DNAJC5B: variants seen among roughly 807,000 people sequenced by gnomAD.
DNAJC5B encodes the protein DnaJ heat shock protein family (Hsp40) member C5 beta.
A neutral mutation model predicts 24.7 loss-of-function variants in DNAJC5B; 23 were observed. The ratio of observed to expected loss-of-function variants is 0.93; its 90% CI spans 0.67 to 1.32. The LOEUF (loss-of-function observed/expected upper bound fraction) is 1.32, where lower values mean the gene tolerates loss of function less well. Among genes scored for constraint, DNAJC5B ranks in the 40% most tolerant of loss-of-function variants. DNAJC5B has a pLI of 0.00. For missense variants in DNAJC5B, 238 were observed against 240.8 expected (o/e 0.99, Z 0.08); for synonymous variants, 101 against 90.1 (o/e 1.12, Z -0.68).
intron 1 of DNAJC5B, among the ~76,000 whole-genome samples, chr8:66,043,093 T>C (rs1339214184): frequency 6.6e-6 from 1 of 152,220 alleles, no homozygotes; most frequent in East Asian, 1.9e-4. Context: ...CAGTCAGTAC[T>C]GTGACTCAAT....
chr8:66,027,735 T>C (rs1028995416), intron 1 of DNAJC5B, among the ~76,000 whole-genome samples: 3 of 152,206 alleles, frequency 2.0e-5, no homozygotes, highest in African/African-American at 7.2e-5. Flanking sequence ...TATGTTCCTC[T>C]GCATGGTAGG....
chr8:66,046,479 G>C (rs993035785), intron 2 of DNAJC5B, among the ~76,000 whole-genome samples: 1 of 152,140 alleles, frequency 6.6e-6, no homozygotes, highest in African/African-American at 2.4e-5. Context: ...ACTAGTTGGG[G>C]GAAATTGTAA....
intron 1 of DNAJC5B, among the ~76,000 whole-genome samples, chr8:66,033,192 C>T (rs142199915): frequency 6.6e-5 from 10 of 152,338 alleles, no homozygotes; most frequent in Admixed American, 2.0e-4. Context: ...CAGGAAGGCA[C>T]GCAGGCTGGC....
chr8:66,077,932 T>C (rs1037354425), intron 4 of DNAJC5B, among the ~76,000 whole-genome samples: 1 of 152,244 alleles, frequency 6.6e-6, no homozygotes, highest in African/African-American at 2.4e-5. Flanking sequence ...AAGTTCCTGT[T>C]GAGCAGATTT....
At chr8:66,086,208 G>A (rs1586114118) in intron 5 of DNAJC5B, among the ~76,000 whole-genome samples, 1 of 152,054 alleles carries the variant, frequency 6.6e-6, no homozygotes, top group Non-Finnish European at 1.5e-5. Flanking sequence ...GATTTTCTAT[G>A]CAGACAATTA....
intron 3 of DNAJC5B, among the ~76,000 whole-genome samples, chr8:66,068,732 T>C (rs1807278589): frequency 1.3e-5 from 2 of 152,066 alleles, no homozygotes; most frequent in South Asian, 4.1e-4. Flanking sequence ...AAACCACATA[T>C]ACTCAATAAA....
intron 3 of DNAJC5B, among the ~76,000 whole-genome samples, chr8:66,058,383 A>T (rs1229390134): frequency 6.6e-6 from 1 of 152,172 alleles, no homozygotes; most frequent in Non-Finnish European, 1.5e-5. Flanking sequence ...TTGGTTCCTG[A>T]TCCCTTTTCC....
chr8:66,069,397 A>G (rs1040646818), intron 3 of DNAJC5B, among the ~76,000 whole-genome samples: 5 of 152,188 alleles, frequency 3.3e-5, no homozygotes, highest in Non-Finnish European at 7.4e-5. Context: ...GCTTACCAAA[A>G]GAAAGCTGTA....
Position 66,080,477 on chromosome 8 carries a change from CA to C in DNAJC5B, c.435del (p.Val146CysfsTer42). ...CCCGHCRPESSVPEEDFYVSP... is the reference protein window; with the variant it reads ...CCCGHCRPESXVPEEDFYVSP... Reference sequence around the variant, plus strand: ...TGTGGACACTGCCGGCCCGAGTCATCAGTGCCAGAAGAGGACTTCTATGTGT... The same window carrying C: ...TGTGGACACTGCCGGCCCGAGTCATCGTGCCAGAAGAGGACTTCTATGTGT... On this transcript the variant is annotated frameshift_variant, in exon 5 of 6. Transcript: ENST00000276570. LOFTEE classifies it high-confidence loss of function. The C allele has an allele frequency of 6.2e-7, 1 of 1,613,972 alleles. No individual in the cohort carries two copies. Among genetic ancestry groups the C allele is most frequent in the Non-Finnish European group, 8.5e-7 (1 of 1,179,968 alleles).
chr8:66,099,744 A>G (rs1167276457), intron 5 of DNAJC5B, among the ~76,000 whole-genome samples, 193 bp from the exon 6 acceptor site: 2 of 152,212 alleles, frequency 1.3e-5, no homozygotes, highest in Non-Finnish European at 2.9e-5. Context: ...TAATTCCATA[A>G]CTGACAAAAT....
At chr8:66,080,288 G>A (rs1335494042) in intron 4 of DNAJC5B, 89 bp from the exon 5 acceptor site, 6 of 1,534,412 alleles carry the variant, frequency 3.9e-6, no homozygotes, top group Non-Finnish European at 4.4e-6. Flanking sequence ...CAGGTCTCTG[G>A]GGGTACCTGG....
At chr8:66,016,306 C>T in the DNAJC5B span, among the ~76,000 whole-genome samples, 602 of 152,222 alleles carry the variant, frequency 4.0e-3, 4 homozygotes, top group African/African-American at 0.014. Context: ...GGGAGGGATC[C>T]GGTGGGAAGT....
chr8:66,091,113 AACATTTGCTGAGC>A (rs1807837657), intron 5 of DNAJC5B, among the ~76,000 whole-genome samples: 1 of 152,188 alleles, frequency 6.6e-6, no homozygotes, highest in Admixed American at 6.5e-5. Flanking sequence ...TTCAATAGCA[AACATTTGCTGAGC>A]ACTTAGTATT....
chr8:66,048,114 C>T (rs1358657616), intron 2 of DNAJC5B, among the ~76,000 whole-genome samples: 2 of 152,140 alleles, frequency 1.3e-5, no homozygotes, highest in Non-Finnish European at 2.9e-5. Context: ...TGCAAAGCAA[C>T]CTGAAGGCCC....
chr8:66,062,676 G>T (rs1284756125), intron 3 of DNAJC5B, among the ~76,000 whole-genome samples: 1 of 152,154 alleles, frequency 6.6e-6, no homozygotes, highest in Non-Finnish European at 1.5e-5. Context: ...CAAAATTGGA[G>T]TGAGGCTGGC....
chr8:66,094,352 T>C (rs1807906895), intron 5 of DNAJC5B, among the ~76,000 whole-genome samples: 1 of 152,098 alleles, frequency 6.6e-6, no homozygotes, highest in Non-Finnish European at 1.5e-5. Flanking sequence ...ACTAAGGATG[T>C]ATTTTCTATA....
intron 1 of DNAJC5B, among the ~76,000 whole-genome samples, chr8:66,031,700 G>A (rs1016042582): frequency 3.9e-5 from 6 of 152,146 alleles, no homozygotes. Flanking sequence ...CCAGCTCAAA[G>A]CAGTAAGGCA....
intron 3 of DNAJC5B, among the ~76,000 whole-genome samples, chr8:66,070,194 T>C (rs554306126): frequency 6.6e-6 from 1 of 152,202 alleles, no homozygotes; most frequent in Non-Finnish European, 1.5e-5. Flanking sequence ...AACATAGCAG[T>C]GGAAGTTCTG....
chr8:66,082,693 T>G (rs1015715225), intron 5 of DNAJC5B, among the ~76,000 whole-genome samples: 13 of 152,180 alleles, frequency 8.5e-5, no homozygotes, highest in African/African-American at 2.9e-4. Flanking sequence ...GCAGCTCCTA[T>G]GCAGGGATCC....
Sources: gnomAD v4.1 joint callset for allele counts (sites outside exome capture counted in the v4.1 genomes callset) on GRCh38, gnomAD v4.1.1 for gene constraint, MANE v1.5 for transcripts, NCBI Gene and HGNC (gene_info 2026-07-23, HGNC 2026-07-21) for gene names.